The following MAPK10 variants were observed in gnomAD, a reference collection of about 807,000 sequenced individuals.
MAPK10 encodes the protein mitogen-activated protein kinase 10.
Under a neutral mutation model 59.3 loss-of-function variants are expected in MAPK10, and 25 were observed. That is an observed-to-expected ratio of 0.42 (90% CI 0.31 to 0.59). MAPK10 has a LOEUF of 0.59. MAPK10 is among the 20% of genes least tolerant of loss of function. The pLI is 0.15. For synonymous variants in MAPK10, 190 were observed against 200.5 expected (o/e 0.95, Z 0.44); for missense variants, 351 against 568.9 (o/e 0.62, Z 3.90).
At chr4:86,063,179 T>G (rs748141938) in intron 11 of MAPK10, among the ~76,000 whole-genome samples, 11 of 152,208 alleles carry the variant, frequency 7.2e-5, no homozygotes, top group Non-Finnish European at 1.5e-4. Context: ...CAATTCTACC[T>G]AGTTCTCACT....
intron 1 of MAPK10, among the ~76,000 whole-genome samples, chr4:86,512,276 A>G (rs114527290): frequency 0.016 from 2,499 of 152,314 alleles, 17 homozygotes; most frequent in Non-Finnish European, 0.027. Context: ...TTATGGCTGT[A>G]TGGTTATTTG....
chr4:86,369,143 G>A (rs1226476567), intron 1 of MAPK10, among the ~76,000 whole-genome samples: 3 of 152,116 alleles, frequency 2.0e-5, no homozygotes, highest in African/African-American at 7.2e-5. Flanking sequence ...CCCACTCTGC[G>A]GCAATTCCTG....
intron 3 of MAPK10, among the ~76,000 whole-genome samples, chr4:86,185,297 A>C (rs1244320970): frequency 6.6e-6 from 1 of 152,180 alleles, no homozygotes; most frequent in Non-Finnish European, 1.5e-5. Context: ...TTGGGTATGC[A>C]GTCAGGTAGT....
At chr4:86,244,095 A>G (rs1051921077) in intron 2 of MAPK10, among the ~76,000 whole-genome samples, 29 of 152,364 alleles carry the variant, frequency 1.9e-4, no homozygotes, top group Admixed American at 1.6e-3. Context: ...CAAGAGTCAC[A>G]TAAGTAGAGG....
intron 9 of MAPK10, among the ~76,000 whole-genome samples, chr4:86,078,589 A>ATG (rs1397104430): frequency 6.5e-5 from 8 of 123,364 alleles, no homozygotes; most frequent in African/African-American, 1.5e-4. Context: ...GGAAATACAT[A>ATG]TGTATATATA....
intron 2 of MAPK10, among the ~76,000 whole-genome samples, chr4:86,283,162 C>T (rs1215075339): frequency 1.3e-5 from 2 of 152,044 alleles, no homozygotes; most frequent in African/African-American, 4.8e-5. Context: ...CCAGTAATGG[C>T]GTATAATGGG....
intron 4 of MAPK10, among the ~76,000 whole-genome samples, chr4:86,129,063 TA>T (rs1441837391): frequency 6.6e-6 from 1 of 152,122 alleles, no homozygotes; most frequent in African/African-American, 2.4e-5. Context: ...TTTATTTAGA[TA>T]ATTGAAAGAG....
At chr4:86,421,228 T>C (rs1017708802) in intron 1 of MAPK10, among the ~76,000 whole-genome samples, 1 of 152,220 alleles carries the variant, frequency 6.6e-6, no homozygotes, top group Non-Finnish European at 1.5e-5. Flanking sequence ...TTTTGCTTGT[T>C]TGTTTGTTTC....
intron 1 of MAPK10, among the ~76,000 whole-genome samples, chr4:86,378,432 AC>A (rs1283614959): frequency 1.3e-5 from 2 of 152,294 alleles, no homozygotes; most frequent in Non-Finnish European, 2.9e-5. Flanking sequence ...CTAAAATAGT[AC>A]CCCACATCAC....
chr4:86,125,182 CA>C (rs2059879280), intron 4 of MAPK10: 1 of 151,510 alleles, frequency 6.6e-6, no homozygotes, highest in Non-Finnish European at 1.5e-5. Flanking sequence ...GTCAATATTT[CA>C]AATTTATTAA....
intron 1 of MAPK10, among the ~76,000 whole-genome samples, chr4:86,525,585 G>T (rs1757421611): frequency 6.6e-6 from 1 of 152,164 alleles, no homozygotes; most frequent in South Asian, 2.1e-4. Flanking sequence ...GTAGAAGACA[G>T]CAAGTTGTCT....
chr4:86,328,998 T>A (rs2096088534), intron 2 of MAPK10, among the ~76,000 whole-genome samples: 1 of 151,904 alleles, frequency 6.6e-6, no homozygotes, highest in Non-Finnish European at 1.5e-5. Context: ...TGCACATGTA[T>A]CCCGGGACTT....
At chr4:86,511,760 G>A (rs1483050192) in intron 1 of MAPK10, among the ~76,000 whole-genome samples, 1 of 148,238 alleles carries the variant, frequency 6.7e-6, no homozygotes, top group African/African-American at 2.5e-5. Flanking sequence ...GGGGAGGGGA[G>A]AGAGGAAGAG....
At chr4:86,285,056 T>G (rs551577037) in intron 2 of MAPK10, among the ~76,000 whole-genome samples, 1 of 152,318 alleles carries the variant, frequency 6.6e-6, no homozygotes, top group Admixed American at 6.5e-5. Flanking sequence ...GCAATCCTCA[T>G]TTTTGTTCCT....
At chr4:86,428,173 C>G (rs920726547) in intron 1 of MAPK10, among the ~76,000 whole-genome samples, 1 of 150,404 alleles carries the variant, frequency 6.6e-6, no homozygotes, top group Non-Finnish European at 1.5e-5. Flanking sequence ...GGTCTTTTTG[C>G]TCTGTCGCCC....
intron 2 of MAPK10, among the ~76,000 whole-genome samples, chr4:86,315,689 G>A (rs1289949885): frequency 6.6e-6 from 1 of 152,060 alleles, no homozygotes; most frequent in Non-Finnish European, 1.5e-5. Context: ...GTTTTTGCCT[G>A]TTAATTTTAT....
At chr4:86,107,130 A>C in intron 5 of MAPK10, 93 bp downstream of exon 5, 1 of 1,002,374 alleles carries the variant, frequency 1.0e-6, no homozygotes, top group East Asian at 2.5e-5. Context: ...ATTGCAAAGC[A>C]AAGAAAGCCT....
chr4:86,155,032 A>G (rs1043385503), intron 4 of MAPK10, among the ~76,000 whole-genome samples: 2 of 152,076 alleles, frequency 1.3e-5, no homozygotes, highest in African/African-American at 2.4e-5. Flanking sequence ...ACCTTTTCCA[A>G]TCATTTTGTG....
chr4:86,532,640 CT>C (rs1283021213), intron 1 of MAPK10, among the ~76,000 whole-genome samples: 1 of 152,210 alleles, frequency 6.6e-6, no homozygotes, highest in Non-Finnish European at 1.5e-5. Context: ...CCACTGAACT[CT>C]TATCTTTTCC....
Sources: gnomAD v4.1 joint callset for allele counts (sites outside exome capture counted in the v4.1 genomes callset) on GRCh38, gnomAD v4.1.1 for gene constraint, MANE v1.5 for transcripts, NCBI Gene and HGNC (gene_info 2026-07-23, HGNC 2026-07-21) for gene names.